Variants in ATP1A1 observed in about 807,000 individuals in gnomAD.
ATP1A1 encodes ATPase Na+/K+ transporting subunit alpha 1.
Under a neutral mutation model 114.8 loss-of-function variants are expected in ATP1A1, and 14 were observed. The observed-to-expected ratio is 0.12, with a 90% CI of 0.08 to 0.19. ATP1A1 has a LOEUF of 0.19. Ranked by LOEUF, ATP1A1 falls within the 10% of genes least tolerant of loss-of-function variation. ATP1A1 has a pLI of 1.00. For synonymous variants in ATP1A1, 471 were observed against 466.3 expected (o/e 1.01, Z -0.13); for missense variants, 524 against 1,290.7 (o/e 0.41, Z 9.10).
In ATP1A1 at chr1:116,384,522, G is replaced by A. The variant is rs1176807753; in HGVS notation, c.124-261G>A. Among the ~76,000 whole-genome samples, 1 of 152,144 alleles carries A rather than the reference G, an allele frequency of 6.6e-6. No individual in the cohort carries two copies. On this transcript the variant is annotated intron_variant, in intron 2 of 22. Coordinates refer to ENST00000295598, the MANE Select transcript of ATP1A1 (RefSeq NM_000701.8). The surrounding 1 kb of genome is among the most constrained non-coding windows in gnomAD (Gnocchi z 5.1). ...TTTACTAGATCCCTGAGAGCTGCTG[G>A]GTTTCTCTGAAGTGTTATGGCAAAT...
rs111780220 is a variant in ATP1A1 at position 116,401,424 on chromosome 1, T to A, written c.2850-130T>A. ...CAAGAAATGTAGCTTTCTAGTTTTT[T>A]CATCTGACCTCCAAGTTTTCAAGTA... On this transcript the variant is annotated intron_variant, in intron 20 of 22. Transcript: ENST00000295598. This position sits in a 1 kb window ranked among gnomAD's most constrained non-coding sequence, Gnocchi z 4.7. The A allele has an allele frequency of 1.4e-6, 2 of 1,441,122 alleles. No individual in the cohort carries two copies. Among genetic ancestry groups the A allele is most frequent in the Non-Finnish European group, 9.5e-7 (1 of 1,054,554 alleles). 89.3% of individuals were successfully genotyped at this position (1,441,122 alleles called of 1,614,324 possible).
At position 116,387,195 on chromosome 1, in the gene ATP1A1, A is replaced by T; in HGVS notation, c.184-93A>T. On this transcript the variant is annotated intron_variant, in intron 3 of 22. Transcript: ENST00000295598. The surrounding 1 kb of genome is among the most constrained non-coding windows in gnomAD (Gnocchi z 6.7). ...GCTTGGGACATTTTGTTTCTTCCTT[A>T]AATCCTTATTGCAACCGTCCAGCTA... The T allele has an allele frequency of 7.0e-7, 1 of 1,429,412 alleles. No individual in the cohort carries two copies. Among genetic ancestry groups the T allele is most frequent in the Non-Finnish European group, 9.6e-7 (1 of 1,038,770 alleles). The allele number at this position is 1,429,412 out of a possible 1,614,324, so 88.5% of individuals were successfully genotyped here. A position where few individuals can be genotyped will look rare whatever the true frequency, so the allele number is the denominator to read the frequency against.
Position 116,383,811 on chromosome 1 carries a change from G to A in ATP1A1, c.13-203G>A, listed in dbSNP as rs10924075. Among the ~76,000 whole-genome samples, 11,957 of 152,214 alleles carry A rather than the reference G, an allele frequency of 0.079. 1,377 individuals are homozygous for A. Among genetic ancestry groups the A allele is most frequent in the African/African-American group, 0.25 (10,207 of 41,496 alleles). On this transcript the variant is annotated intron_variant, in intron 1 of 22. Transcript: ENST00000295598. ...CTTAATGCTCTTGGATGGAGAGAATGTATCTTGAGCCAATGTATTAATAGT... is the reference window on the plus strand; with the variant it reads ...CTTAATGCTCTTGGATGGAGAGAATATATCTTGAGCCAATGTATTAATAGT...
chr1:116,383,460 C>A, intron 1 of ATP1A1: 1 of 722,008 alleles, frequency 1.4e-6, no homozygotes. Context: ...TCCTTAAAAA[C>A]ATGAAATGAG....
At position 116,399,571 on chromosome 1, in the gene ATP1A1, G is replaced by C; in HGVS notation, c.2572+28G>C. The C allele has an allele frequency of 6.2e-7, 1 of 1,613,244 alleles. No individual in the cohort carries two copies. The highest frequency in any genetic ancestry group is 8.5e-7 in the Non-Finnish European group (1 of 1,179,600). ...AAGCTGCAGCCTGGAGTGGGAAGCT[G>C]GCACATCTAAGGCATCTGAGGTGAT... On this transcript the variant is annotated intron_variant, in intron 18 of 22. Coordinates refer to ENST00000295598, the MANE Select transcript of ATP1A1 (RefSeq NM_000701.8). This position sits in a 1 kb window ranked among gnomAD's most constrained non-coding sequence, Gnocchi z 5.0.
Position 116,390,287 on chromosome 1 carries a change from C to A in ATP1A1, c.1098C>A (p.Thr366=), listed in dbSNP as rs1198156033. 1 of 1,614,012 alleles carries A rather than the reference C, an allele frequency of 6.2e-7. No homozygotes were observed. The highest frequency in any genetic ancestry group is 8.5e-7 in the Non-Finnish European group (1 of 1,180,032). The stretch of plus-strand genomic sequence containing the variant: ...TGAAGAACTTAGAAGCTGTGGAGAC[C>A]TTGGGGTCCACGTCCACCATCTGCT... The part of the protein sequence containing the change: ...CLVKNLEAVE[T]LGSTSTICSD... Residue 366 remains threonine (T), a synonymous_variant, in exon 9 of 23, where the codon ACC becomes ACA. Transcript: ENST00000295598.
intron 1 of ATP1A1, among the ~76,000 whole-genome samples, chr1:116,375,324 C>T (rs1318793571): frequency 6.6e-6 from 1 of 152,168 alleles, no homozygotes; most frequent in East Asian, 1.9e-4. Flanking sequence ...ACATTGAGTT[C>T]TTTATACAGA....
chr1:116,383,778 G>A (rs1557781721), intron 1 of ATP1A1, among the ~76,000 whole-genome samples: 1 of 152,232 alleles, frequency 6.6e-6, no homozygotes, highest in African/African-American at 2.4e-5. Context: ...GGTAGCTTCA[G>A]TATTGTTCTT....
intron 1 of ATP1A1, among the ~76,000 whole-genome samples, chr1:116,383,017 G>A (rs1651847252): frequency 6.6e-6 from 1 of 152,196 alleles, no homozygotes; most frequent in African/African-American, 2.4e-5. Flanking sequence ...ACCAAGTTCA[G>A]GCTTTGTGTA....
At position 116,401,300 on chromosome 1, in the gene ATP1A1, A is replaced by C. The variant is rs1363548771; in HGVS notation, c.2849+40A>C. 1 of 1,611,928 alleles carries C rather than the reference A, an allele frequency of 6.2e-7. No individual in the cohort carries two copies. Among genetic ancestry groups the C allele is most frequent in the Admixed American group, 1.7e-5 (1 of 59,976 alleles). ...ACATGTCAAGGCCTTGGCTCAAAGA[A>C]GGGGACTGGTGATTTGTAAACCCTT... On this transcript the variant is annotated intron_variant, in intron 20 of 22. Transcript: ENST00000295598. The surrounding 1 kb of genome is among the most constrained non-coding windows in gnomAD (Gnocchi z 4.7).
chr1:116,378,814 G>A (rs1651542153), intron 1 of ATP1A1, among the ~76,000 whole-genome samples: 1 of 152,112 alleles, frequency 6.6e-6, no homozygotes, highest in South Asian at 2.1e-4. Context: ...CGCATATGCT[G>A]ATTATTAATC....
Position 116,395,072 on chromosome 1 carries a change from G to A in ATP1A1, c.1661-38G>A, listed in dbSNP as rs1489924378. ...GCTGTTGTCCTTCTTACTGCCCAGC[G>A]TCACTGAAATTTTCAAAGGCTCCTG... On this transcript the variant is annotated intron_variant, in intron 12 of 22. Coordinates refer to ENST00000295598, the MANE Select transcript of ATP1A1 (RefSeq NM_000701.8). This position sits in a 1 kb window ranked among gnomAD's most constrained non-coding sequence, Gnocchi z 6.4. The A allele has an allele frequency of 1.5e-5, 24 of 1,601,184 alleles. No individual in the cohort carries two copies. The highest frequency in any genetic ancestry group is 2.0e-5 in the Non-Finnish European group (24 of 1,172,418).
At position 116,395,340 on chromosome 1, in the gene ATP1A1, T is replaced by C. The variant is rs1376879261; in HGVS notation, c.1836+55T>C. On this transcript the variant is annotated intron_variant, in intron 13 of 22. Coordinates refer to ENST00000295598, the MANE Select transcript of ATP1A1 (RefSeq NM_000701.8). The surrounding 1 kb of genome is among the most constrained non-coding windows in gnomAD (Gnocchi z 6.4). ...CTCTTAGTGCCTTGGGACACCCTACTCAGTGAATGTTGCCTTTTGAGGTCC... is the reference window on the plus strand; with the variant it reads ...CTCTTAGTGCCTTGGGACACCCTACCCAGTGAATGTTGCCTTTTGAGGTCC... The C allele has an allele frequency of 6.3e-7, 1 of 1,577,242 alleles. No individual in the cohort carries two copies. The highest frequency in any genetic ancestry group is 2.3e-5 in the East Asian group (1 of 44,302).
chr1:116,386,580 T>A (rs1470781289), intron 3 of ATP1A1, among the ~76,000 whole-genome samples: 2 of 152,258 alleles, frequency 1.3e-5, no homozygotes, highest in East Asian at 3.8e-4. Context: ...TTTGAGAGTA[T>A]AAAAGTGATC....
chr1:116,396,795 T>C, intron 14 of ATP1A1, 61 bp downstream of exon 14: 1 of 1,490,224 alleles, frequency 6.7e-7, no homozygotes, highest in South Asian at 1.4e-5. Context: ...TGGTTTAAAA[T>C]CTTCAGCGTG....
At position 116,389,168 on chromosome 1, in the gene ATP1A1, A is replaced by C; in HGVS notation, c.754+149A>C. On this transcript the variant is annotated intron_variant, in intron 7 of 22. Coordinates refer to ENST00000295598, the MANE Select transcript of ATP1A1 (RefSeq NM_000701.8). The surrounding 1 kb of genome is among the most constrained non-coding windows in gnomAD (Gnocchi z 6.9). Reference sequence around the variant, plus strand: ...GAGCAGAGGTGTTTTCCTAGCTGGCAGGAAACCTTGTGGCAGTTTCCCTTC... The same window carrying C: ...GAGCAGAGGTGTTTTCCTAGCTGGCCGGAAACCTTGTGGCAGTTTCCCTTC... 1 of 930,750 alleles carries C rather than the reference A, an allele frequency of 1.1e-6. No homozygotes were observed. The highest frequency in any genetic ancestry group is 1.7e-6 in the Non-Finnish European group (1 of 604,172). 57.7% of individuals were successfully genotyped at this position (930,750 alleles called of 1,614,324 possible). A position where few individuals can be genotyped will look rare whatever the true frequency, so the allele number is the denominator to read the frequency against.
chr1:116,390,272 A>G lies in ATP1A1; in HGVS notation c.1083A>G (p.Leu361=). Residue 361 remains leucine, a synonymous_variant, in exon 9 of 23, where the codon TTA becomes TTG. Transcript: ENST00000295598. ...GGAAAAACTGCTTAGTGAAGAACTT[A>G]GAAGCTGTGGAGACCTTGGGGTCCA... ...MARKNCLVKN[L]EAVETLGSTS... The G allele has an allele frequency of 6.2e-7, 1 of 1,614,204 alleles. No homozygotes were observed. Among genetic ancestry groups the G allele is most frequent in the African/African-American group, 1.3e-5 (1 of 75,046 alleles).
intron 1 of ATP1A1, among the ~76,000 whole-genome samples, chr1:116,377,804 G>T (rs952466947): frequency 1.3e-5 from 2 of 152,174 alleles, no homozygotes; most frequent in Admixed American, 1.3e-4. Flanking sequence ...GGGTTTGGAC[G>T]GCAAAGCACC....
rs1651744226 is a variant in ATP1A1, at chr1:116,381,546, A to G, written c.13-2468A>G. Among the ~76,000 whole-genome samples, 1 of 152,250 alleles carries G rather than the reference A, an allele frequency of 6.6e-6. No individual in the cohort carries two copies. Among genetic ancestry groups the G allele is most frequent in the African/African-American group, 2.4e-5 (1 of 41,462 alleles). On this transcript the variant is annotated intron_variant, in intron 1 of 22. Transcript: ENST00000295598. This position sits in a 1 kb window ranked among gnomAD's most constrained non-coding sequence, Gnocchi z 5.1. ...ATACTTGCCATGTGTCTCACCCACA[A>G]ATAGCCTCATTTAAAACTTTGCCTT... is the stretch of plus-strand genomic sequence containing the variant.
Sources: gnomAD v4.1 joint callset for allele counts (sites outside exome capture counted in the v4.1 genomes callset) on GRCh38, gnomAD v4.1.1 for gene constraint, Gnocchi (gnomAD v3.1) non-coding constraint, MANE v1.5 for transcripts, NCBI Gene and HGNC (gene_info 2026-07-23, HGNC 2026-07-21) for gene names.